The following NRXN3 variants were observed in gnomAD, a reference collection of about 807,000 sequenced individuals.
NRXN3 encodes the protein neurexin III.
In NRXN3, 32 loss-of-function variants were observed where a neutral mutation model predicts 137.6. That is an observed-to-expected ratio of 0.23 (90% CI 0.18 to 0.31). The LOEUF (loss-of-function observed/expected upper bound fraction) is 0.31, where lower values mean the gene tolerates loss of function less well. Ranked by LOEUF, NRXN3 falls within the 10% of genes least tolerant of loss-of-function variation. The probability of loss-of-function intolerance (pLI) is 1.00; values close to 1 mark genes in which losing one functional copy is unlikely to be tolerated. For synonymous variants in NRXN3, 798 were observed against 784.5 expected, an observed-to-expected ratio of 1.02 and a Z score of -0.29; for missense variants, 1,574 against 2,062.5, an observed-to-expected ratio of 0.76 and a Z score of 4.59.
chr14:79,624,116 G>A (rs2098255606), intron 16 of NRXN3, among the ~76,000 whole-genome samples: 1 of 152,040 alleles, frequency 6.6e-6, no homozygotes, highest in Admixed American at 6.6e-5. Flanking sequence ...TCCTGGATGG[G>A]GAGCAGGTGA....
chr14:78,444,842 C>A (rs2094367738), intron 4 of NRXN3, among the ~76,000 whole-genome samples: 2 of 141,348 alleles, frequency 1.4e-5, no homozygotes, highest in South Asian at 4.4e-4. Flanking sequence ...CCACGTGAAC[C>A]CGGGAGGCAG....
intron 15 of NRXN3, among the ~76,000 whole-genome samples, chr14:79,079,951 G>A (rs2046649544): frequency 6.6e-6 from 1 of 152,136 alleles, no homozygotes; most frequent in Non-Finnish European, 1.5e-5. Flanking sequence ...TCATGCCATT[G>A]CACTCCAGCC....
chr14:79,552,786 A>C (rs539168119), intron 16 of NRXN3, among the ~76,000 whole-genome samples: 45 of 152,226 alleles, frequency 3.0e-4, no homozygotes, highest in Middle Eastern at 3.4e-3. Context: ...CGCTTCAAAC[A>C]AAGGTTGTTT....
intron 15 of NRXN3, among the ~76,000 whole-genome samples, chr14:79,192,875 A>G (rs1413706402): frequency 6.8e-6 from 1 of 147,052 alleles, no homozygotes; most frequent in Admixed American, 7.0e-5. Flanking sequence ...GGTTCAAGAG[A>G]TTCTCCTGCC....
chr14:78,530,781 T>C (rs1477740516), intron 4 of NRXN3, among the ~76,000 whole-genome samples: 1 of 152,224 alleles, frequency 6.6e-6, no homozygotes, highest in African/African-American at 2.4e-5. Context: ...ACTTTCAGGT[T>C]TTACTGTATT....
intron 15 of NRXN3, among the ~76,000 whole-genome samples, chr14:79,052,134 T>C (rs1175630015): frequency 6.6e-6 from 1 of 152,204 alleles, no homozygotes; most frequent in Non-Finnish European, 1.5e-5. Context: ...TTAAATGCAG[T>C]TGGGCAGAGC....
intron 15 of NRXN3, among the ~76,000 whole-genome samples, chr14:79,389,881 T>C (rs2094782603): frequency 6.6e-6 from 1 of 152,148 alleles, no homozygotes; most frequent in African/African-American, 2.4e-5. Context: ...GGAAGGAAAA[T>C]ATGAGGCAAG....
intron 3 of NRXN3, chr14:78,282,588 A>G (rs2074553698): frequency 6.2e-6 from 1 of 162,382 alleles, no homozygotes; most frequent in Non-Finnish European, 1.4e-5. Context: ...CCTGGCAGGC[A>G]CTGTGGGAGG....
intron 16 of NRXN3, among the ~76,000 whole-genome samples, chr14:79,574,884 C>T (rs1373360153): frequency 6.6e-6 from 1 of 152,062 alleles, no homozygotes; most frequent in Non-Finnish European, 1.5e-5. Flanking sequence ...CAAGAAAACA[C>T]AGTAAATTGC....
At chr14:78,781,549 C>T (rs540111320) in intron 8 of NRXN3, among the ~76,000 whole-genome samples, 22 of 152,240 alleles carry the variant, frequency 1.4e-4, no homozygotes, top group African/African-American at 5.1e-4. Flanking sequence ...TCTTACACTC[C>T]CTGCTCTCAA....
intron 15 of NRXN3, among the ~76,000 whole-genome samples, chr14:79,150,055 G>T (rs1178233616): frequency 2.0e-5 from 3 of 151,948 alleles, no homozygotes; most frequent in African/African-American, 7.3e-5. Flanking sequence ...TTAAGCAAAA[G>T]TGTTCTCACA....
chr14:78,192,105 T>TGAGA (rs1333815025), intron 1 of NRXN3, among the ~76,000 whole-genome samples: 119 of 136,456 alleles, frequency 8.7e-4, no homozygotes, highest in African/African-American at 2.4e-3. Flanking sequence ...TGTGTGTGTG[T>TGAGA]GTGAGAGAGA....
At chr14:79,693,719 G>T (rs147831325) in intron 18 of NRXN3, among the ~76,000 whole-genome samples, 108 of 149,826 alleles carry the variant, frequency 7.2e-4, no homozygotes, top group Admixed American at 2.4e-3. Context: ...CAATAGAATT[G>T]TTACCCGTTG....
intron 15 of NRXN3, among the ~76,000 whole-genome samples, chr14:79,284,362 A>ATATATATATATG (rs2081873299): frequency 8.7e-6 from 1 of 115,036 alleles, no homozygotes; most frequent in Non-Finnish European, 1.7e-5. Flanking sequence ...ATATATATAT[A>ATATATATATATG]TATATATATA....
intron 15 of NRXN3, among the ~76,000 whole-genome samples, chr14:79,356,994 CTGGGATT>C (rs1446056718): frequency 1.3e-5 from 2 of 152,172 alleles, no homozygotes; most frequent in Admixed American, 1.3e-4. Context: ...TCCCAAAGTG[CTGGGATT>C]AGAGACGTGA....
chr14:79,552,963 G>A (rs889140706), intron 16 of NRXN3, among the ~76,000 whole-genome samples: 5 of 151,660 alleles, frequency 3.3e-5, no homozygotes, highest in African/African-American at 1.2e-4. Flanking sequence ...TTCAGGGAGC[G>A]GTCAAAGACC....
chr14:79,350,197 A>G (rs1261062608), intron 15 of NRXN3, among the ~76,000 whole-genome samples: 1 of 152,250 alleles, frequency 6.6e-6, no homozygotes, highest in Non-Finnish European at 1.5e-5. Flanking sequence ...AAAGCATTTT[A>G]TAATCAAACA....
intron 1 of NRXN3, among the ~76,000 whole-genome samples, chr14:78,211,423 A>C (rs1200473815): frequency 6.6e-6 from 1 of 152,206 alleles, no homozygotes; most frequent in East Asian, 1.9e-4. Flanking sequence ...CTGTGGGTAG[A>C]GTTTCACCCC....
chr14:78,772,885 T>C (rs909460706), intron 8 of NRXN3, among the ~76,000 whole-genome samples: 2 of 152,222 alleles, frequency 1.3e-5, no homozygotes, highest in African/African-American at 4.8e-5. Flanking sequence ...AAAACAAACT[T>C]CTACCCCTAA....
Sources: allele counts gnomAD v4.1 joint callset (sites outside exome capture counted in the v4.1 genomes callset), GRCh38; gene constraint gnomAD v4.1.1; transcripts MANE v1.5; gene names NCBI Gene and HGNC (gene_info 2026-07-23, HGNC 2026-07-21).